Variants in SLC18A2 observed in about 807,000 individuals in gnomAD.
SLC18A2 encodes the protein synaptic vesicular amine transporter.
In SLC18A2, 33 loss-of-function variants were observed where a neutral mutation model predicts 59.2. That is an observed-to-expected ratio of 0.56 (90% CI 0.42 to 0.75). The LOEUF is 0.75. SLC18A2 is among the 30% of genes least tolerant of loss of function. The pLI, the probability that SLC18A2 is intolerant of heterozygous loss-of-function variation, is 0.00. For synonymous variants in SLC18A2, 228 were observed against 253.5 expected (o/e 0.90, Z 0.95); for missense variants, 569 against 668.6 (o/e 0.85, Z 1.64).
chr10:117,244,955 G>A (rs146712528), intron 3 of SLC18A2, among the ~76,000 whole-genome samples: 48 of 152,360 alleles, frequency 3.2e-4, no homozygotes, highest in Non-Finnish European at 6.5e-4. Context: ...GCCCAAACTA[G>A]CTTCAGATGA....
At position 117,244,218 on chromosome 10, in the gene SLC18A2, C is replaced by A; in HGVS notation, c.369C>A (p.Asp123Glu). The A allele has an allele frequency of 6.2e-7, 1 of 1,614,234 alleles. No homozygotes were observed. The highest frequency in any genetic ancestry group is 8.5e-7 in the Non-Finnish European group (1 of 1,180,044). Residue 123 changes from aspartate (D) to glutamate (E), a missense_variant, in exon 3 of 16, where the codon GAC becomes GAA. Asp to Glu is a conservative substitution (Grantham distance 45, BLOSUM62 2). Coordinates refer to ENST00000644641, the MANE Select transcript of SLC18A2 (RefSeq NM_003054.6). ...VPSDCPSEDK[D>E]LLNENVQVGL... ...CCGACTGTCCCAGTGAAGACAAAGA[C>A]CTCCTGAATGAAAACGTGCAAGTTG... is the stretch of plus-strand genomic sequence containing the variant.
rs1274481077 is a variant in SLC18A2, at chr10:117,254,028, T to C, written c.524-20T>C. The C allele has an allele frequency of 6.8e-6, 11 of 1,611,698 alleles. No homozygotes were observed. Among genetic ancestry groups the C allele is most frequent in the Non-Finnish European group, 8.5e-6 (10 of 1,179,338 alleles). ...TCCCAGCAGCACTGATGTGCGGTCT[T>C]GGACCCCCTCTCTCGGCAGTGTTTG... On this transcript the variant is annotated intron_variant, in intron 4 of 15. Transcript: ENST00000644641.
intron 15 of SLC18A2, among the ~76,000 whole-genome samples, chr10:117,273,966 T>A (rs1228269814): frequency 6.6e-6 from 1 of 152,142 alleles, no homozygotes; most frequent in Non-Finnish European, 1.5e-5. Context: ...TCCTATTGAT[T>A]TTCTCTTTGG....
chr10:117,254,123 C>T lies in SLC18A2; in HGVS notation c.599C>T (p.Ser200Phe), dbSNP rs756351822. Reference sequence around the variant, plus strand: ...CAGGGCATCGGCTCGTCCTGCTCCTCTGTGGCTGGTAGGTGTGGAATGCCT... The same window carrying T: ...CAGGGCATCGGCTCGTCCTGCTCCTTTGTGGCTGGTAGGTGTGGAATGCCT... Reference protein sequence around the residue: ...SLQGIGSSCSSVAGMGMLASV... With the variant: ...SLQGIGSSCSFVAGMGMLASV... The change falls in exon 5 of 16, where the codon TCT becomes TTT. Residue 200 changes from serine (S) to phenylalanine (F), a missense_variant. By Grantham distance (155) the Ser-to-Phe change is radical. Coordinates refer to ENST00000644641, the MANE Select transcript of SLC18A2 (RefSeq NM_003054.6). 1 of 1,613,334 alleles carries T rather than the reference C, an allele frequency of 6.2e-7. No individual in the cohort carries two copies.
At chr10:117,266,897 A>G (rs1415295961) in intron 11 of SLC18A2, 86 bp downstream of exon 11, 3 of 1,553,022 alleles carry the variant, frequency 1.9e-6, no homozygotes, top group Non-Finnish European at 1.8e-6. Flanking sequence ...CTTTGCTGTT[A>G]CAAGTAATTG....
chr10:117,275,149 C>T (rs562790220), intron 15 of SLC18A2, among the ~76,000 whole-genome samples: 11 of 152,128 alleles, frequency 7.2e-5, no homozygotes, highest in South Asian at 6.2e-4. Context: ...AGTCTAGTGC[C>T]GCCATTATTT....
At position 117,266,828 on chromosome 10, in the gene SLC18A2, A is replaced by G. The variant is rs1225963061; in HGVS notation, c.1070+17A>G. Reference sequence around the variant, plus strand: ...AATGGGGAGGTAAGATGATATGAAAACAACACTCATTCTGTTACAATAATG... The same window carrying G: ...AATGGGGAGGTAAGATGATATGAAAGCAACACTCATTCTGTTACAATAATG... On this transcript the variant is annotated intron_variant, in intron 11 of 15. Coordinates refer to ENST00000644641, the MANE Select transcript of SLC18A2 (RefSeq NM_003054.6). 2 of 1,603,022 alleles carry G rather than the reference A, an allele frequency of 1.2e-6. No homozygotes were observed. The highest frequency in any genetic ancestry group is 1.7e-5 in the Admixed American group (1 of 59,918).
chr10:117,256,824 C>A (rs1433387638), intron 9 of SLC18A2, among the ~76,000 whole-genome samples: 1 of 152,186 alleles, frequency 6.6e-6, no homozygotes, highest in Non-Finnish European at 1.5e-5. Flanking sequence ...ATGTGACTTC[C>A]TGAACCTCGG....
chr10:117,272,851 A>C (rs766944917), intron 15 of SLC18A2, among the ~76,000 whole-genome samples: 1 of 152,154 alleles, frequency 6.6e-6, no homozygotes, highest in Non-Finnish European at 1.5e-5. Context: ...CAGAGCAGGA[A>C]GCCAGCGGTG....
At position 117,257,360 on chromosome 10, in the gene SLC18A2, G is replaced by A. The variant is rs139809964; in HGVS notation, c.896-437G>A. 4.7e-4 allele frequency among the ~76,000 whole-genome samples: 71 copies of A among 151,922 alleles called. No individual in the cohort carries two copies. In the East Asian group the frequency reaches 0.013, roughly 28 times the overall value. ...CTGCTTGGATTTTCTGGCATTTCTA[G>A]GTATCATTAGAAATGCCCACGTATA... On this transcript the variant is annotated intron_variant, in intron 9 of 15. Transcript: ENST00000644641.
At chr10:117,256,772 G>A (rs984878239) in intron 9 of SLC18A2, among the ~76,000 whole-genome samples, 6 of 152,188 alleles carry the variant, frequency 3.9e-5, no homozygotes, top group Non-Finnish European at 5.9e-5. Flanking sequence ...TGGCATCTGA[G>A]GTGGGGACGA....
At chr10:117,254,248 AC>A in intron 5 of SLC18A2, 117 bp downstream of exon 5, 1 of 1,195,664 alleles carries the variant, frequency 8.4e-7, no homozygotes, top group African/African-American at 1.5e-5. Context: ...TGGAGAAGGC[AC>A]CCACTTTCCT....
Position 117,243,987 on chromosome 10 carries a change from T to G in SLC18A2, c.138T>G (p.Ser46Arg), listed in dbSNP as rs1002490601. The change falls in exon 3 of 16, where the codon AGT (serine) becomes AGG (arginine). Residue 46 changes from serine (S) to arginine (R), a missense_variant. Ser to Arg is a moderately radical substitution (Grantham distance 110). Coordinates refer to ENST00000644641, the MANE Select transcript of SLC18A2 (RefSeq NM_003054.6). ...TATCCCCAGTCCCCATCATCCCAAG[T>G]TATCTGTACAGCATTAAGCATGAGA... ...LLTVVVPIIP[S>R]YLYSIKHEKN... 1.2e-6 allele frequency: 2 copies of G among 1,612,742 alleles called. No homozygotes were observed. The highest frequency in any genetic ancestry group is 1.7e-6 in the Non-Finnish European group (2 of 1,179,042).
chr10:117,260,515 CTG>C (rs1844283732), intron 10 of SLC18A2, among the ~76,000 whole-genome samples: 2 of 152,214 alleles, frequency 1.3e-5, no homozygotes, highest in Admixed American at 1.3e-4. Context: ...GGGGCATAGG[CTG>C]TGTGTCTAGA....
intron 15 of SLC18A2, among the ~76,000 whole-genome samples, chr10:117,272,857 C>T (rs571179213): frequency 3.3e-5 from 5 of 152,082 alleles, no homozygotes; most frequent in African/African-American, 4.8e-5. Flanking sequence ...AGGAAGCCAG[C>T]GGTGGCGGCC....
chr10:117,260,788 G>A (rs1185072390), intron 10 of SLC18A2, among the ~76,000 whole-genome samples: 2 of 152,154 alleles, frequency 1.3e-5, no homozygotes, highest in Non-Finnish European at 2.9e-5. Context: ...AATCACTCAG[G>A]AAGGAATTCA....
intron 10 of SLC18A2, among the ~76,000 whole-genome samples, chr10:117,263,798 T>A (rs1844320114): frequency 6.6e-6 from 1 of 152,152 alleles, no homozygotes; most frequent in African/African-American, 2.4e-5. Context: ...TGTCTTCTGG[T>A]TCTTCTAGCC....
chr10:117,256,687 G>C (rs2133735300), intron 9 of SLC18A2, among the ~76,000 whole-genome samples: 1 of 152,318 alleles, frequency 6.6e-6, no homozygotes, highest in African/African-American at 2.4e-5. Flanking sequence ...TATGGAGGTG[G>C]CATGGTGACT....
chr10:117,246,598 C>A (rs543413748), intron 3 of SLC18A2, among the ~76,000 whole-genome samples: 3 of 152,264 alleles, frequency 2.0e-5, no homozygotes, highest in Admixed American at 1.3e-4. Flanking sequence ...AGCTACCGAG[C>A]AAATTTGAAA....
Sources: gnomAD v4.1 joint callset for allele counts (sites outside exome capture counted in the v4.1 genomes callset) on GRCh38, gnomAD v4.1.1 for gene constraint, MANE v1.5 for transcripts, NCBI Gene and HGNC (gene_info 2026-07-23, HGNC 2026-07-21) for gene names.